Variants in WWTR1 observed in about 807,000 individuals in gnomAD.
WWTR1 encodes WW domain-containing transcription regulator protein 1.
In WWTR1, 13 loss-of-function variants were observed where a neutral mutation model predicts 40.1. The ratio of observed to expected loss-of-function variants is 0.32; its 90% CI spans 0.21 to 0.52. The LOEUF is 0.52. WWTR1 is among the 20% of genes least tolerant of loss of function. The probability of loss-of-function intolerance (pLI) is 0.97; values close to 1 mark genes in which losing one functional copy is unlikely to be tolerated. For synonymous variants in WWTR1, 230 were observed against 210.1 expected, an observed-to-expected ratio of 1.09 and a Z score of -0.82; for missense variants, 436 against 523.1, an observed-to-expected ratio of 0.83 and a Z score of 1.63.
intron 1 of WWTR1, among the ~76,000 whole-genome samples, chr3:149,672,117 A>G (rs1202797254): frequency 6.6e-6 from 1 of 151,570 alleles, no homozygotes; most frequent in Non-Finnish European, 1.5e-5. Flanking sequence ...CATCTTTAAA[A>G]GGCTACAAAA....
intron 6 of WWTR1, among the ~76,000 whole-genome samples, chr3:149,525,159 G>A (rs534831761): frequency 8.0e-4 from 122 of 152,286 alleles, no homozygotes; most frequent in Non-Finnish European, 9.0e-4. Context: ...TAATTCCTGA[G>A]GGAGGATGTC....
intron 3 of WWTR1, among the ~76,000 whole-genome samples, chr3:149,543,580 C>CAAAAAAAAAAAAAAAAAAAAAAA (rs755442408): frequency 4.2e-4 from 13 of 31,222 alleles, no homozygotes; most frequent in Non-Finnish European, 5.7e-4. Context: ...GACTCTGTCT[C>CAAAAAAAAAAAAAAAAAAAAAAA]AAAAAAAAAA....
At chr3:149,695,368 C>G (rs1714951220) in intron 1 of WWTR1, among the ~76,000 whole-genome samples, 1 of 152,196 alleles carries the variant, frequency 6.6e-6, no homozygotes, top group Non-Finnish European at 1.5e-5. Flanking sequence ...CCCATTTACC[C>G]TGATGGGATT....
intron 2 of WWTR1, among the ~76,000 whole-genome samples, chr3:149,589,062 C>T (rs1281072266): frequency 2.0e-5 from 3 of 152,164 alleles, no homozygotes; most frequent in South Asian, 2.1e-4. Flanking sequence ...AGAATCTAAA[C>T]GAGGTGTCAA....
At chr3:149,692,810 T>C (rs1445318898) in intron 1 of WWTR1, among the ~76,000 whole-genome samples, 4 of 152,078 alleles carry the variant, frequency 2.6e-5, no homozygotes, top group African/African-American at 7.2e-5. Flanking sequence ...ATTTTTGTAT[T>C]TTTTAGTAGA....
At chr3:149,691,703 G>A (rs760625618) in intron 1 of WWTR1, among the ~76,000 whole-genome samples, 3 of 152,032 alleles carry the variant, frequency 2.0e-5, no homozygotes, top group Admixed American at 1.3e-4. Context: ...CTATGGCTTC[G>A]CTGCTAATTT....
At chr3:149,609,773 C>T (rs1424469323) in intron 2 of WWTR1, among the ~76,000 whole-genome samples, 1 of 152,246 alleles carries the variant, frequency 6.6e-6, no homozygotes, top group Non-Finnish European at 1.5e-5. Context: ...CACCAACTTG[C>T]AGTCACTCAC....
At chr3:149,664,631 C>A (rs6440630) in intron 2 of WWTR1, among the ~76,000 whole-genome samples, 1 of 150,992 alleles carries the variant, frequency 6.6e-6, no homozygotes, top group Non-Finnish European at 1.5e-5. Context: ...TCCTGTTGCC[C>A]AGGCTGTAGT....
At chr3:149,563,406 T>C (rs1737173781) in intron 3 of WWTR1, among the ~76,000 whole-genome samples, 1 of 152,126 alleles carries the variant, frequency 6.6e-6, no homozygotes, top group African/African-American at 2.4e-5. Context: ...ATTTACCCAG[T>C]GGATTAAACA....
chr3:149,606,553 C>T lies in WWTR1; in HGVS notation c.432-33553G>A, dbSNP rs144353892. Among the ~76,000 whole-genome samples the T allele has an allele frequency of 5.1e-3, 783 of 152,138 alleles. 5 individuals carry two copies. Among genetic ancestry groups the T allele is most frequent in the African/African-American group, 0.018 (755 of 41,498 alleles). ...CATCAGTATTTCTCACTAAATTACA[C>T]GAATAATAGCTTATATTGATATAGC... is the stretch of plus-strand genomic sequence containing the variant. On this transcript the variant is annotated intron_variant, in intron 2 of 6. Coordinates refer to ENST00000360632, the MANE Select transcript of WWTR1 (RefSeq NM_015472.6).
At chr3:149,618,622 T>C (rs912232183) in intron 2 of WWTR1, among the ~76,000 whole-genome samples, 1 of 152,148 alleles carries the variant, frequency 6.6e-6, no homozygotes, top group African/African-American at 2.4e-5. Flanking sequence ...GAGAGAAAGA[T>C]GTAATGTCAG....
At chr3:149,715,756 T>G (rs1234834301) in intron 5 of WWTR1, among the ~76,000 whole-genome samples, 1 of 152,228 alleles carries the variant, frequency 6.6e-6, no homozygotes, top group Non-Finnish European at 1.5e-5. Flanking sequence ...GGGATATAAG[T>G]ACAACTTAGT....
At chr3:149,710,604 G>A (rs1224570767) in intron 5 of WWTR1, among the ~76,000 whole-genome samples, 3 of 95,290 alleles carry the variant, frequency 3.1e-5, no homozygotes, top group African/African-American at 1.3e-4. Flanking sequence ...TTTTGAGATT[G>A]AGTCTCGCTC....
chr3:149,601,851 C>T (rs1412289222), intron 2 of WWTR1, among the ~76,000 whole-genome samples: 1 of 152,098 alleles, frequency 6.6e-6, no homozygotes, highest in East Asian at 1.9e-4. Context: ...AGCAAGTAAG[C>T]AAGCCATGTA....
At chr3:149,569,598 T>C (rs1737525006) in intron 3 of WWTR1, among the ~76,000 whole-genome samples, 1 of 152,200 alleles carries the variant, frequency 6.6e-6, no homozygotes, top group Non-Finnish European at 1.5e-5. Flanking sequence ...TAGTTAACTA[T>C]GCCACTGATT....
At chr3:149,665,030 T>G (rs1294586883) in intron 2 of WWTR1, among the ~76,000 whole-genome samples, 1 of 152,200 alleles carries the variant, frequency 6.6e-6, no homozygotes, top group Non-Finnish European at 1.5e-5. Context: ...GCTATCATTT[T>G]GGGGCAAGGG....
intron 2 of WWTR1, among the ~76,000 whole-genome samples, chr3:149,594,139 G>T (rs1041266968): frequency 3.3e-5 from 5 of 152,128 alleles, no homozygotes; most frequent in African/African-American, 1.2e-4. Context: ...GTAATCAAGA[G>T]AAATTACCTC....
At chr3:149,605,214 A>T (rs187660905) in intron 2 of WWTR1, among the ~76,000 whole-genome samples, 32 of 152,362 alleles carry the variant, frequency 2.1e-4, no homozygotes, top group African/African-American at 7.2e-4. Flanking sequence ...GCTTCAAAGC[A>T]CATGCATAAT....
chr3:149,522,662 A>G (rs753381869), intron 6 of WWTR1, among the ~76,000 whole-genome samples: 1 of 152,182 alleles, frequency 6.6e-6, no homozygotes, highest in Non-Finnish European at 1.5e-5. Flanking sequence ...TCCAGTTAGA[A>G]TCATTCATTT....
Sources: allele counts gnomAD v4.1 joint callset (sites outside exome capture counted in the v4.1 genomes callset), GRCh38; gene constraint gnomAD v4.1.1; transcripts MANE v1.5; gene names NCBI Gene and HGNC (gene_info 2026-07-23, HGNC 2026-07-21).